MYO1H: variants seen among roughly 807,000 people sequenced by gnomAD.
MYO1H encodes the protein unconventional myosin-Ih.
A neutral mutation model predicts 149.3 loss-of-function variants in MYO1H; 118 were observed. The ratio of observed to expected loss-of-function variants is 0.79; its 90% CI spans 0.68 to 0.92. The LOEUF is 0.92. Among genes scored for constraint, MYO1H ranks in the 40% least tolerant of loss-of-function variants. The pLI is 0.00. For synonymous variants in MYO1H, 447 were observed against 465.2 expected (o/e 0.96, Z 0.50); for missense variants, 1,212 against 1,280.7 (o/e 0.95, Z 0.82).
rs1237205765 is a variant in MYO1H, at chr12:109,356,396, T to TG, written c.12+8424_12+8425insG. 1.1e-3 allele frequency among the ~76,000 whole-genome samples: 167 copies of TG among 151,420 alleles called. 3 individuals carry two copies. The highest frequency in any genetic ancestry group is 2.9e-5 in the Non-Finnish European group (2 of 67,812). On this transcript the variant is annotated intron_variant, in intron 1 of 31. Coordinates refer to ENST00000310903, the Ensembl canonical transcript of MYO1H. Reference sequence around the variant, plus strand: ...CCCTTTCTGTTTGTTTTTGTTTTTTTTTTGTTTTTTTACAAGATCAGCTAC... The same window carrying TG: ...CCCTTTCTGTTTGTTTTTGTTTTTTTGTTTGTTTTTTTACAAGATCAGCTAC...
chr12:109,365,811 G>A (rs962969891), intron 1 of MYO1H, among the ~76,000 whole-genome samples: 8 of 152,042 alleles, frequency 5.3e-5, no homozygotes, highest in Non-Finnish European at 7.4e-5. Context: ...TTTAGACCAG[G>A]GGTACCCAAC....
chr12:109,322,173 C>A, the MYO1H span, among the ~76,000 whole-genome samples: 1 of 152,206 alleles, frequency 6.6e-6, no homozygotes, highest in South Asian at 2.1e-4. Flanking sequence ...TAAATTGGAT[C>A]TGTCTTCTTT....
At chr12:109,360,642 G>GA (rs1566018290) in intron 1 of MYO1H, among the ~76,000 whole-genome samples, 1 of 151,664 alleles carries the variant, frequency 6.6e-6, no homozygotes, top group Non-Finnish European at 1.5e-5. Flanking sequence ...GGTCCTTATG[G>GA]AAGATGTGTG....
intron 2 of MYO1H, among the ~76,000 whole-genome samples, chr12:109,391,285 T>C (rs1342297345): frequency 6.6e-6 from 1 of 152,128 alleles, no homozygotes; most frequent in African/African-American, 2.4e-5. Flanking sequence ...AATGTGTCCA[T>C]GTGTCCTCAT....
In MYO1H at chr12:109,353,138, G is replaced by T. The variant is rs1231110593; in HGVS notation, c.12+5166G>T. ...AGGCTGGGCACAGTGGCTCATGCCT[G>T]TAATCCCAGCATTTTGGGAGGCCGA... On this transcript the variant is annotated intron_variant, in intron 1 of 31. Transcript: ENST00000310903. Among the ~76,000 whole-genome samples, 3 of 152,094 alleles carry T rather than the reference G, an allele frequency of 2.0e-5. No homozygotes were observed. The East Asian group carries it at 5.8e-4, about 29-fold the overall frequency.
At chr12:109,375,743 C>T (rs1437580873) in intron 1 of MYO1H, among the ~76,000 whole-genome samples, 1 of 151,998 alleles carries the variant, frequency 6.6e-6, no homozygotes, top group African/African-American at 2.4e-5. Context: ...TTTGGAAGGC[C>T]GAGGCAGATG....
In MYO1H at chr12:109,349,909, G is replaced by A. The variant is rs1344089981; in HGVS notation, c.12+1937G>A. 6.7e-5 allele frequency among the ~76,000 whole-genome samples: 10 copies of A among 148,772 alleles called. No individual in the cohort carries two copies. The East Asian group carries it at 7.8e-4, about 12-fold the overall frequency. ...CCGGGAGGCAGAGCTTGCAGTGAGC[G>A]GAGATCACGCCACTGCACTCCAGCC... On this transcript the variant is annotated intron_variant, in intron 1 of 31. Coordinates refer to ENST00000310903, the Ensembl canonical transcript of MYO1H.
chr12:109,365,153 G>GT (rs1024244488), intron 1 of MYO1H, among the ~76,000 whole-genome samples: 31 of 152,184 alleles, frequency 2.0e-4, no homozygotes, highest in Admixed American at 1.1e-3. Flanking sequence ...GTGTGTACTT[G>GT]TAGTCCCAGC....
At chr12:109,388,192 A>G (rs1869462477) in intron 1 of MYO1H, among the ~76,000 whole-genome samples, 1 of 150,582 alleles carries the variant, frequency 6.6e-6, no homozygotes, top group South Asian at 2.1e-4. Context: ...AATTTTAAAA[A>G]AAGAAAAAAT....
intron 14 of MYO1H, among the ~76,000 whole-genome samples, chr12:109,412,403 C>G (rs548278178): frequency 4.6e-5 from 7 of 152,072 alleles, no homozygotes; most frequent in African/African-American, 1.7e-4. Context: ...AGCGATCCAC[C>G]CATCTTGGCC....
chr12:109,323,163 A>G, the MYO1H span, among the ~76,000 whole-genome samples: 4 of 152,176 alleles, frequency 2.6e-5, no homozygotes. Context: ...CAGTTTCTTT[A>G]TTGTGGAATG....
At chr12:109,340,649 AC>A in the MYO1H span, among the ~76,000 whole-genome samples, 2 of 152,264 alleles carry the variant, frequency 1.3e-5, no homozygotes, top group African/African-American at 4.8e-5. Context: ...ATATTGCAGT[AC>A]AAAATGGGAG....
the MYO1H span, among the ~76,000 whole-genome samples, chr12:109,338,368 C>G: frequency 3.3e-5 from 5 of 152,176 alleles, no homozygotes; most frequent in African/African-American, 1.2e-4. Context: ...TGGATGGCAA[C>G]TCACAGGGCA....
chr12:109,419,700 A>G (rs1871087979), intron 15 of MYO1H, among the ~76,000 whole-genome samples: 1 of 151,956 alleles, frequency 6.6e-6, no homozygotes, highest in South Asian at 2.1e-4. Flanking sequence ...GGCATGCACC[A>G]CCACACGCAG....
chr12:109,404,531 A>G (rs1870295708), intron 7 of MYO1H, among the ~76,000 whole-genome samples: 1 of 152,252 alleles, frequency 6.6e-6, no homozygotes, highest in South Asian at 2.1e-4. Context: ...TTACATATGA[A>G]TTTCAGATAA....
intron 1 of MYO1H, among the ~76,000 whole-genome samples, chr12:109,354,618 T>TAA (rs1555247905): frequency 5.9e-5 from 7 of 119,414 alleles, no homozygotes; most frequent in East Asian, 2.4e-4. Flanking sequence ...AGACTCTGTC[T>TAA]AAAAAAAAAA....
At chr12:109,389,924 CCTAA>C (rs1394531430) in intron 2 of MYO1H, among the ~76,000 whole-genome samples, 1 of 151,988 alleles carries the variant, frequency 6.6e-6, no homozygotes, top group Non-Finnish European at 1.5e-5. Context: ...TATCCTAGAG[CCTAA>C]CTTTCATAAT....
At chr12:109,366,032 T>C (rs1868858820) in intron 1 of MYO1H, among the ~76,000 whole-genome samples, 1 of 152,186 alleles carries the variant, frequency 6.6e-6, no homozygotes, top group South Asian at 2.1e-4. Flanking sequence ...ATCTAACGCC[T>C]GGTGATCTCA....
the MYO1H span, among the ~76,000 whole-genome samples, chr12:109,320,992 G>A: frequency 6.6e-6 from 1 of 151,978 alleles, no homozygotes; most frequent in Admixed American, 6.6e-5. Flanking sequence ...GGAGGCTGAG[G>A]CAGGAGAATT....
Sources: gnomAD v4.1 joint callset for allele counts (sites outside exome capture counted in the v4.1 genomes callset) on GRCh38, gnomAD v4.1.1 for gene constraint, MANE v1.5 for transcripts, NCBI Gene and HGNC (gene_info 2026-07-23, HGNC 2026-07-21) for gene names.